Variants in GLI3 observed in about 807,000 individuals in gnomAD.
GLI3 encodes the protein transcription activator GLI3.
GLI3 carries 20 observed loss-of-function variants against 100.8 expected under a neutral mutation model. The observed-to-expected ratio is 0.20, with a 90% confidence interval of 0.14 to 0.29. The LOEUF is 0.29. Among genes scored for constraint, GLI3 ranks in the 10% least tolerant of loss-of-function variants. The pLI is 1.00. For missense variants in GLI3, 2,040 were observed against 2,128.5 expected, an observed-to-expected ratio of 0.96 and a Z score of 0.82; for synonymous variants, 938 against 860.5, an observed-to-expected ratio of 1.09 and a Z score of -1.58.
At chr7:42,070,130 C>G (rs1028626134) in intron 4 of GLI3, among the ~76,000 whole-genome samples, 1 of 152,196 alleles carries the variant, frequency 6.6e-6, no homozygotes, top group African/African-American at 2.4e-5. Flanking sequence ...CAACACTCCA[C>G]CCAGTTGATG....
rs1786112550 is a variant in GLI3 at position 42,125,811 on chromosome 7, T to C, written c.367+22415A>G. Among the ~76,000 whole-genome samples, 9 of 152,122 alleles carry C rather than the reference T, an allele frequency of 5.9e-5. 1 individual carries two copies. Among genetic ancestry groups the C allele is most frequent in the Non-Finnish European group, 1.5e-5 (1 of 68,026 alleles). Reference sequence around the variant, plus strand: ...GCATTTACGTGCAAACTCTGTACAATGGGGTTCGATGGAGCTGGGCGCCAA... The same window carrying C: ...GCATTTACGTGCAAACTCTGTACAACGGGGTTCGATGGAGCTGGGCGCCAA... On this transcript the variant is annotated intron_variant, in intron 3 of 14. Transcript: ENST00000395925.
intron 3 of GLI3, among the ~76,000 whole-genome samples, chr7:42,126,606 A>G (rs1170306761): frequency 6.6e-6 from 1 of 152,264 alleles, no homozygotes; most frequent in East Asian, 1.9e-4. Flanking sequence ...TTTCCTGGAA[A>G]CAACAATCTG....
At chr7:42,032,346 T>C (rs1789318706) in intron 7 of GLI3, among the ~76,000 whole-genome samples, 1 of 152,220 alleles carries the variant, frequency 6.6e-6, no homozygotes, top group Admixed American at 6.5e-5. Flanking sequence ...ATATTTATTT[T>C]TTTCACACCA....
intron 2 of GLI3, among the ~76,000 whole-genome samples, chr7:42,170,437 C>G: frequency 8.6e-6 from 1 of 116,670 alleles, no homozygotes; most frequent in Non-Finnish European, 1.6e-5. Flanking sequence ...GTGTCTCGCT[C>G]TGTCGCCCAG....
At chr7:42,108,904 G>A (rs1037468676) in intron 3 of GLI3, among the ~76,000 whole-genome samples, 1 of 151,864 alleles carries the variant, frequency 6.6e-6, no homozygotes, top group Non-Finnish European at 1.5e-5. Flanking sequence ...CCCTCCACCA[G>A]CAGTCATCCA....
intron 3 of GLI3, among the ~76,000 whole-genome samples, chr7:42,128,265 A>G (rs1244530400): frequency 6.6e-6 from 1 of 152,148 alleles, no homozygotes; most frequent in African/African-American, 2.4e-5. Flanking sequence ...GCCAGAATTC[A>G]ATTATTTGAT....
chr7:42,040,243 TTA>T lies in GLI3; in HGVS notation c.827-6_827-5del. 6.2e-7 allele frequency: 1 copy of T among 1,609,916 alleles called. No homozygotes were observed. The highest frequency in any genetic ancestry group is 8.5e-7 in the Non-Finnish European group (1 of 1,176,288). ...CTGGGGCTGGAGAATCTGGTGCCTGTTATATAAACAAAAAAGAACCTAATTAC... is the reference window on the plus strand; with the variant it reads ...CTGGGGCTGGAGAATCTGGTGCCTGTTATAAACAAAAAAGAACCTAATTAC... On this transcript the variant is annotated splice_region_variant and splice_polypyrimidine_tract_variant and intron_variant, in intron 6 of 14. Transcript: ENST00000395925.
chr7:42,135,882 CT>C (rs1414411582), intron 3 of GLI3, among the ~76,000 whole-genome samples: 2 of 151,056 alleles, frequency 1.3e-5, no homozygotes, highest in African/African-American at 4.8e-5. Flanking sequence ...CTCTCTCTCA[CT>C]TTTTTTCTCT....
At chr7:42,155,979 C>A (rs779034532) in intron 2 of GLI3, among the ~76,000 whole-genome samples, 5 of 152,112 alleles carry the variant, frequency 3.3e-5, no homozygotes, top group Non-Finnish European at 7.4e-5. Flanking sequence ...CCCATCTCTA[C>A]CCCCGGGAGG....
chr7:42,043,198 TCTC>T (rs1784178900), intron 6 of GLI3, among the ~76,000 whole-genome samples: 1 of 152,078 alleles, frequency 6.6e-6, no homozygotes, highest in South Asian at 2.1e-4. Context: ...TTGGAAAAAA[TCTC>T]CTATGGTGGA....
intron 3 of GLI3, among the ~76,000 whole-genome samples, chr7:42,083,880 A>C (rs753641951): frequency 1.1e-4 from 16 of 152,252 alleles, no homozygotes; most frequent in Non-Finnish European, 2.1e-4. Flanking sequence ...AATGGATGAA[A>C]TTAACCATAA....
chr7:41,978,869 T>C, intron 10 of GLI3, 121 bp from the exon 11 acceptor site: 1 of 859,612 alleles, frequency 1.2e-6, no homozygotes, highest in South Asian at 1.6e-5. Flanking sequence ...AAGAATAACT[T>C]TACCATATTA....
intron 7 of GLI3, among the ~76,000 whole-genome samples, chr7:42,028,431 A>G (rs1789184903): frequency 6.6e-6 from 1 of 152,196 alleles, no homozygotes; most frequent in African/African-American, 2.4e-5. Context: ...AAAGCAACTC[A>G]AAAGCATTCA....
At chr7:42,239,550 C>G (rs896234434), upstream of GLI3, among the ~76,000 whole-genome samples, 1 of 152,198 alleles carries the variant, frequency 6.6e-6, no homozygotes, top group Admixed American at 6.5e-5. Flanking sequence ...ATAGCCTACT[C>G]TGTTCACCCA....
intron 3 of GLI3, 22 bp from the exon 4 acceptor site, chr7:42,076,879 A>T: frequency 1.4e-6 from 2 of 1,400,536 alleles, no homozygotes; most frequent in Non-Finnish European, 2.0e-6. Flanking sequence ...AGAGAGCCCA[A>T]TCTATATCAA....
intron 2 of GLI3, among the ~76,000 whole-genome samples, chr7:42,182,319 A>G (rs1787609519): frequency 6.6e-6 from 1 of 152,068 alleles, no homozygotes; most frequent in African/African-American, 2.4e-5. Flanking sequence ...GTTGCGCAGG[A>G]CAGCTTTAGG....
At chr7:41,992,743 G>A (rs951098162) in intron 10 of GLI3, among the ~76,000 whole-genome samples, 1 of 152,140 alleles carries the variant, frequency 6.6e-6, no homozygotes, top group African/African-American at 2.4e-5. Flanking sequence ...ATCATGTGGG[G>A]TGTCTTTGGA....
At chr7:42,173,006 A>C (rs1787407427) in intron 2 of GLI3, among the ~76,000 whole-genome samples, 1 of 152,234 alleles carries the variant, frequency 6.6e-6, no homozygotes, top group Non-Finnish European at 1.5e-5. Flanking sequence ...CTTACCCGGT[A>C]GTGCCTGCCC....
chr7:42,184,550 C>T (rs1787680995), intron 2 of GLI3, among the ~76,000 whole-genome samples: 1 of 152,232 alleles, frequency 6.6e-6, no homozygotes, highest in South Asian at 2.1e-4. Context: ...GGGCCTAGAA[C>T]AGTGACTGAT....
Sources: allele counts gnomAD v4.1 joint callset (sites outside exome capture counted in the v4.1 genomes callset), GRCh38; gene constraint gnomAD v4.1.1; transcripts MANE v1.5; gene names NCBI Gene and HGNC (gene_info 2026-07-23, HGNC 2026-07-21).